The following PSMD14 variants were observed in gnomAD, a reference collection of about 807,000 sequenced individuals.
PSMD14 encodes ubiquitin C-terminal hydrolase PSMD14.
Under a neutral mutation model 41.2 loss-of-function variants are expected in PSMD14, and 7 were observed. The ratio of observed to expected loss-of-function variants is 0.17; its 90% confidence interval spans 0.10 to 0.32. The LOEUF (loss-of-function observed/expected upper bound fraction) is 0.32, where lower values mean the gene tolerates loss of function less well. Among genes scored for constraint, PSMD14 ranks in the 10% least tolerant of loss-of-function variants. The pLI, the probability that PSMD14 is intolerant of heterozygous loss-of-function variation, is 1.00. For missense variants in PSMD14, 139 were observed against 375.6 expected (o/e 0.37, Z 5.21); for synonymous variants, 114 against 122.3 (o/e 0.93, Z 0.45).
chr2:161,312,560 C>CT (rs1376562560), intron 1 of PSMD14, among the ~76,000 whole-genome samples: 2 of 151,998 alleles, frequency 1.3e-5, no homozygotes, highest in Non-Finnish European at 2.9e-5. Context: ...GTACTGATAC[C>CT]TTTTTTGTAC....
intron 9 of PSMD14, among the ~76,000 whole-genome samples, chr2:161,394,856 T>C (rs901093375): frequency 6.6e-6 from 1 of 152,148 alleles, no homozygotes; most frequent in Non-Finnish European, 1.5e-5. Flanking sequence ...GAGAATAGCC[T>C]TCTAGGTAGA....
chr2:161,395,314 T>C, intron 10 of PSMD14, 111 bp downstream of exon 10: 1 of 1,085,590 alleles, frequency 9.2e-7, no homozygotes, highest in South Asian at 1.6e-5. Flanking sequence ...GTAAATAAAA[T>C]AGTAAATATT....
At chr2:161,331,973 T>TCC (rs892698564) in intron 3 of PSMD14, among the ~76,000 whole-genome samples, 1 of 152,234 alleles carries the variant, frequency 6.6e-6, no homozygotes, top group Non-Finnish European at 1.5e-5. Flanking sequence ...TTTTCTGATG[T>TCC]CCCAGCCTAT....
chr2:161,344,184 T>A (rs1683009588), intron 3 of PSMD14, among the ~76,000 whole-genome samples: 1 of 152,094 alleles, frequency 6.6e-6, no homozygotes, highest in Non-Finnish European at 1.5e-5. Flanking sequence ...ATGACTATAC[T>A]CAGAAGTGAA....
intron 8 of PSMD14, among the ~76,000 whole-genome samples, chr2:161,390,691 G>C (rs1683699487): frequency 1.3e-5 from 2 of 152,264 alleles, no homozygotes; most frequent in Middle Eastern, 6.8e-3. Context: ...GGGAATTCCA[G>C]ATTAATGTGG....
At chr2:161,326,040 A>T (rs1682690673) in intron 3 of PSMD14, among the ~76,000 whole-genome samples, 1 of 151,870 alleles carries the variant, frequency 6.6e-6, no homozygotes, top group Admixed American at 6.6e-5. Flanking sequence ...AAACTTTATA[A>T]TTTTTTTTGT....
chr2:161,314,519 A>G (rs926575712), intron 1 of PSMD14, among the ~76,000 whole-genome samples: 1 of 152,196 alleles, frequency 6.6e-6, no homozygotes, highest in African/African-American at 2.4e-5. Context: ...GTAAAAAAAT[A>G]TCTTAGCAAT....
chr2:161,357,602 AT>A lies in PSMD14; in HGVS notation c.49-9870del, dbSNP rs1266769012. Among the ~76,000 whole-genome samples, 7 of 152,218 alleles carry A rather than the reference AT, an allele frequency of 4.6e-5. 1 individual carries two copies. The East Asian group carries it at 9.6e-4, about 21-fold the overall frequency. The stretch of plus-strand genomic sequence containing the variant: ...AGGGATATGTGCATTTTAGTTTCAT[AT>A]TTTTTACAGAAGTATGTAACTATAA... On this transcript the variant is annotated intron_variant, in intron 3 of 11. Coordinates refer to ENST00000409682, the MANE Select transcript of PSMD14 (RefSeq NM_005805.6).
At chr2:161,341,062 GTCCCGCAGGCTCCCCGAGC>G (rs939523223) in intron 3 of PSMD14, 8 of 1,568,454 alleles carry the variant, frequency 5.1e-6, no homozygotes, top group African/African-American at 4.1e-5. Context: ...GGCTCCCCCG[GTCCCGCAGGCTCCCCGAGC>G]TCCCCCAGCC....
chr2:161,347,103 A>G (rs1191616217), intron 3 of PSMD14, among the ~76,000 whole-genome samples: 1 of 152,120 alleles, frequency 6.6e-6, no homozygotes, highest in Non-Finnish European at 1.5e-5. Flanking sequence ...TGCAGTCCAA[A>G]AAGTATCTCA....
chr2:161,389,892 T>TTG (rs1683688144), intron 8 of PSMD14, among the ~76,000 whole-genome samples: 11 of 4,468 alleles, frequency 2.5e-3, no homozygotes, highest in Non-Finnish European at 4.2e-3. Context: ...TTTTGTTGTT[T>TTG]TTTTTTTTTT....
At chr2:161,350,426 TA>T (rs897104338) in intron 3 of PSMD14, among the ~76,000 whole-genome samples, 1 of 152,238 alleles carries the variant, frequency 6.6e-6, no homozygotes, top group Non-Finnish European at 1.5e-5. Flanking sequence ...TAACTAGTCC[TA>T]AAACTAGATG....
intron 3 of PSMD14, among the ~76,000 whole-genome samples, chr2:161,322,432 C>T (rs974711048): frequency 2.0e-5 from 3 of 152,062 alleles, no homozygotes; most frequent in Non-Finnish European, 4.4e-5. Flanking sequence ...CTTTGTTGCC[C>T]AGTCTGGAGT....
chr2:161,346,181 C>A (rs185681061), intron 3 of PSMD14, among the ~76,000 whole-genome samples: 1 of 152,266 alleles, frequency 6.6e-6, no homozygotes, highest in East Asian at 1.9e-4. Context: ...CCGTGCTCGG[C>A]CATTTAATTT....
chr2:161,377,493 G>C (rs963604951), intron 7 of PSMD14, among the ~76,000 whole-genome samples: 10 of 151,844 alleles, frequency 6.6e-5, no homozygotes, highest in Non-Finnish European at 1.0e-4. Context: ...ATTTATGATA[G>C]AATAACATGT....
At chr2:161,371,538 A>G (rs986040328) in intron 7 of PSMD14, among the ~76,000 whole-genome samples, 4 of 152,104 alleles carry the variant, frequency 2.6e-5, no homozygotes, top group African/African-American at 7.2e-5. Flanking sequence ...TTATTGTGTA[A>G]TTTTCCTGAA....
chr2:161,350,628 G>C (rs1424196021), intron 3 of PSMD14, among the ~76,000 whole-genome samples: 2 of 152,170 alleles, frequency 1.3e-5, no homozygotes, highest in Non-Finnish European at 2.9e-5. Context: ...AGGAAGGAGA[G>C]GAGATCTCAG....
At chr2:161,399,500 C>T (rs1171432859) in intron 10 of PSMD14, among the ~76,000 whole-genome samples, 3 of 151,856 alleles carry the variant, frequency 2.0e-5, no homozygotes, top group Admixed American at 6.6e-5. Context: ...TGTTTGGTTC[C>T]ATGAGTAAGT....
chr2:161,380,974 A>G (rs1683563797), intron 7 of PSMD14, among the ~76,000 whole-genome samples: 1 of 151,992 alleles, frequency 6.6e-6, no homozygotes, highest in African/African-American at 2.4e-5. Context: ...GGTGATAAAG[A>G]GTATTGGATA....
Sources: allele counts gnomAD v4.1 joint callset (sites outside exome capture counted in the v4.1 genomes callset), GRCh38; gene constraint gnomAD v4.1.1; transcripts MANE v1.5; gene names NCBI Gene and HGNC (gene_info 2026-07-23, HGNC 2026-07-21).